The following DLG2 variants were observed in gnomAD, a reference collection of about 807,000 sequenced individuals.
The protein encoded by DLG2 is discs large MAGUK scaffold protein 2.
A neutral mutation model predicts 132.5 loss-of-function variants in DLG2; 45 were observed. That is an observed-to-expected ratio of 0.34 (90% CI 0.27 to 0.44). DLG2 has a LOEUF of 0.44. DLG2 is among the 20% of genes least tolerant of loss of function. The probability of loss-of-function intolerance (pLI) is 1.00; values close to 1 mark genes in which losing one functional copy is unlikely to be tolerated. For synonymous variants in DLG2, 424 were observed against 419.6 expected, an observed-to-expected ratio of 1.01 and a Z score of -0.13; for missense variants, 1,045 against 1,196.9, an observed-to-expected ratio of 0.87 and a Z score of 1.87.
chr11:85,395,266 G>T (rs2087205720), intron 3 of DLG2, among the ~76,000 whole-genome samples: 2 of 152,214 alleles, frequency 1.3e-5, no homozygotes, highest in Non-Finnish European at 2.9e-5. Flanking sequence ...GCTGGATCAA[G>T]AAAGATAAGA....
intron 12 of DLG2, among the ~76,000 whole-genome samples, chr11:83,975,263 A>T (rs889115181): frequency 2.0e-5 from 3 of 152,052 alleles, no homozygotes; most frequent in African/African-American, 7.2e-5. Flanking sequence ...ACTGAAATTC[A>T]AGGCCAAGAG....
At chr11:85,463,840 G>C (rs1257482176) in intron 3 of DLG2, among the ~76,000 whole-genome samples, 2 of 151,674 alleles carry the variant, frequency 1.3e-5, no homozygotes, top group Admixed American at 6.6e-5. Context: ...CTGTGTCAAG[G>C]ACTGAATGTG....
At chr11:83,920,187 TA>T (rs1412880097) in intron 15 of DLG2, among the ~76,000 whole-genome samples, 1 of 152,116 alleles carries the variant, frequency 6.6e-6, no homozygotes, top group African/African-American at 2.4e-5. Context: ...CCCTCTAAGG[TA>T]TTCATTTCCT....
chr11:84,447,993 A>C (rs953731153), intron 7 of DLG2, among the ~76,000 whole-genome samples: 2 of 152,116 alleles, frequency 1.3e-5, no homozygotes, highest in Non-Finnish European at 2.9e-5. Flanking sequence ...GAGCACAAAC[A>C]ACAATGCATA....
At chr11:84,714,602 TCTTTCTC>T (rs2060917907) in intron 6 of DLG2, among the ~76,000 whole-genome samples, 4 of 111,722 alleles carry the variant, frequency 3.6e-5, no homozygotes, top group Non-Finnish European at 7.3e-5. Flanking sequence ...TCTTTCTTTC[TCTTTCTC>T]TTTCTCTTTC....
intron 7 of DLG2, among the ~76,000 whole-genome samples, chr11:84,525,799 A>G (rs138958888): frequency 0.013 from 2,034 of 152,176 alleles, 44 homozygotes; most frequent in African/African-American, 0.047. Flanking sequence ...GGCCCACTCT[A>G]TGCCCCTTTC....
intron 10 of DLG2, among the ~76,000 whole-genome samples, chr11:84,061,592 T>C (rs2096591420): frequency 6.6e-6 from 1 of 152,196 alleles, no homozygotes. Flanking sequence ...TAGTTTCATG[T>C]ATGTTGTGTA....
chr11:84,588,895 C>T (rs1359579193), intron 6 of DLG2, among the ~76,000 whole-genome samples: 3 of 151,972 alleles, frequency 2.0e-5, no homozygotes, highest in Admixed American at 6.6e-5. Context: ...TTTTACTTTA[C>T]TCTATGGACT....
Position 85,541,092 on chromosome 11 carries a change from T to G in DLG2, c.40+57565A>C, listed in dbSNP as rs368566144. Among the ~76,000 whole-genome samples the G allele has an allele frequency of 3.9e-5, 6 of 152,332 alleles. No individual in the cohort carries two copies. The South Asian group carries it at 1.2e-3, about 32-fold the overall frequency. ...CTTTAGTATTTAAGCTCTGCCTCAG[T>G]TTCTTTCCAGGTCCATAAGGCGGTC... is the stretch of plus-strand genomic sequence containing the variant. On this transcript the variant is annotated intron_variant, in intron 3 of 27. Coordinates refer to ENST00000376104, the MANE Select transcript of DLG2 (RefSeq NM_001142699.3).
rs569426377 is a variant in DLG2 at position 84,922,563 on chromosome 11, G to A, written c.357+189098C>T. 9.9e-4 allele frequency among the ~76,000 whole-genome samples: 151 copies of A among 152,210 alleles called. 1 individual carries two copies. Among genetic ancestry groups the A allele is most frequent in the African/African-American group, 3.5e-3 (147 of 41,532 alleles). On this transcript the variant is annotated intron_variant, in intron 6 of 27. Transcript: ENST00000376104. ...CCAGAGCTGACGATTTGTATAATCA[G>A]TATCACCAATTTCCAGTGAAAATCA... is the stretch of plus-strand genomic sequence containing the variant.
chr11:84,838,217 C>T lies in DLG2; in HGVS notation c.357+273444G>A, dbSNP rs1261348888. ...CTCAAATTACCATGACATGAACCTC[C>T]ACTGAGTTTGCTCTCACTAACAAGC... On this transcript the variant is annotated intron_variant, in intron 6 of 27. Transcript: ENST00000376104. 3.3e-5 allele frequency among the ~76,000 whole-genome samples: 5 copies of T among 151,920 alleles called. No homozygotes were observed. In the East Asian group the frequency reaches 9.8e-4, roughly 30 times the overall value.
intron 8 of DLG2, among the ~76,000 whole-genome samples, chr11:84,218,301 AAGAAAG>A (rs1483043814): frequency 1.2e-4 from 16 of 139,010 alleles, no homozygotes; most frequent in African/African-American, 4.6e-4. Flanking sequence ...GAGAAAGAGA[AAGAAAG>A]AGAGAGAGAG....
chr11:84,857,722 G>A (rs2082978233), intron 6 of DLG2, among the ~76,000 whole-genome samples: 1 of 151,864 alleles, frequency 6.6e-6, no homozygotes, highest in South Asian at 2.1e-4. Context: ...TCTCAACATT[G>A]ATAAATTACA....
chr11:83,720,771 A>C (rs1593076016), intron 18 of DLG2: 1 of 131,512 alleles, frequency 7.6e-6, no homozygotes, highest in African/African-American at 2.9e-5. Flanking sequence ...ATTACCAGAG[A>C]GTAGGGCCAG....
chr11:84,244,080 T>C (rs1337813559), intron 8 of DLG2, among the ~76,000 whole-genome samples: 2 of 152,216 alleles, frequency 1.3e-5, no homozygotes, highest in Non-Finnish European at 2.9e-5. Context: ...TACTCTTTTG[T>C]TACTCAAAGT....
chr11:85,415,060 T>A (rs1203668180), intron 3 of DLG2, among the ~76,000 whole-genome samples: 1 of 152,126 alleles, frequency 6.6e-6, no homozygotes, highest in Non-Finnish European at 1.5e-5. Flanking sequence ...TCTCCCTGTG[T>A]CCATGTGTTC....
At chr11:84,242,295 A>G (rs148928151) in intron 8 of DLG2, among the ~76,000 whole-genome samples, 1,537 of 152,248 alleles carry the variant, frequency 0.01, 15 homozygotes, top group Middle Eastern at 0.024. Flanking sequence ...AATGCAAGGC[A>G]AAAAAAGTGA....
chr11:85,243,785 A>T (rs1221573181), intron 4 of DLG2, among the ~76,000 whole-genome samples: 1 of 151,996 alleles, frequency 6.6e-6, no homozygotes, highest in Non-Finnish European at 1.5e-5. Flanking sequence ...CCCAACCTTG[A>T]ATAACTCACT....
At chr11:83,981,462 G>C (rs2092771615) in intron 11 of DLG2, among the ~76,000 whole-genome samples, 1 of 151,974 alleles carries the variant, frequency 6.6e-6, no homozygotes, top group Non-Finnish European at 1.5e-5. Flanking sequence ...TTTAATTTTT[G>C]AGATAGTCTC....
Sources: gnomAD v4.1 joint callset for allele counts (sites outside exome capture counted in the v4.1 genomes callset) on GRCh38, gnomAD v4.1.1 for gene constraint, MANE v1.5 for transcripts, NCBI Gene and HGNC (gene_info 2026-07-23, HGNC 2026-07-21) for gene names.